BAZ1B: variants seen among roughly 807,000 people sequenced by gnomAD.
The protein encoded by BAZ1B is tyrosine-protein kinase BAZ1B.
A neutral mutation model predicts 153.8 loss-of-function variants in BAZ1B; 22 were observed. That is an observed-to-expected ratio of 0.14 (90% CI 0.10 to 0.20). BAZ1B has a LOEUF of 0.20. BAZ1B is among the 10% of genes least tolerant of loss of function. The probability of loss-of-function intolerance (pLI) is 1.00; values close to 1 mark genes in which losing one functional copy is unlikely to be tolerated. For missense variants in BAZ1B, 1,325 were observed against 1,799.3 expected, an observed-to-expected ratio of 0.74 and a Z score of 4.77; for synonymous variants, 676 against 633.4, an observed-to-expected ratio of 1.07 and a Z score of -1.01.
At chr7:73,511,014 G>A (rs1479724742) in intron 1 of BAZ1B, among the ~76,000 whole-genome samples, 162 bp from the exon 2 acceptor site, 3 of 152,210 alleles carry the variant, frequency 2.0e-5, no homozygotes, top group Non-Finnish European at 4.4e-5. Flanking sequence ...GTTCACGCCT[G>A]TAATCCCAGC....
intron 9 of BAZ1B, 111 bp from the exon 10 acceptor site, chr7:73,466,512 C>A: frequency 4.6e-6 from 3 of 651,670 alleles, no homozygotes; most frequent in Non-Finnish European, 5.5e-6. Flanking sequence ...ACAGATACTT[C>A]CTGTGAAATA....
intron 6 of BAZ1B, among the ~76,000 whole-genome samples, chr7:73,482,939 C>T (rs1005541225): frequency 6.6e-6 from 1 of 152,110 alleles, no homozygotes; most frequent in Non-Finnish European, 1.5e-5. Flanking sequence ...AAATGGGAGC[C>T]GGCATGGCTG....
intron 8 of BAZ1B, among the ~76,000 whole-genome samples, chr7:73,469,904 C>G (rs942345397): frequency 1.3e-5 from 2 of 152,132 alleles, no homozygotes; most frequent in Non-Finnish European, 2.9e-5. Flanking sequence ...AATGGGGTCT[C>G]GCTATGTTGG....
chr7:73,483,817 G>A (rs1342756860), intron 6 of BAZ1B, among the ~76,000 whole-genome samples: 1 of 151,910 alleles, frequency 6.6e-6, no homozygotes, highest in Non-Finnish European at 1.5e-5. Flanking sequence ...AATTTTTTGT[G>A]TATGTAGAAA....
intron 17 of BAZ1B, 142 bp from the exon 18 acceptor site, chr7:73,442,970 T>C: frequency 2.9e-6 from 2 of 681,920 alleles, no homozygotes; most frequent in South Asian, 3.8e-5. Context: ...CCTTCTGATA[T>C]TCAAGTCAGG....
At chr7:73,499,200 G>T (rs1400391995) in intron 3 of BAZ1B, among the ~76,000 whole-genome samples, 1 of 151,984 alleles carries the variant, frequency 6.6e-6, no homozygotes, top group African/African-American at 2.4e-5. Flanking sequence ...GCTAATTTTT[G>T]TATTTTTAGT....
At position 73,486,476 on chromosome 7, in the gene BAZ1B, G is replaced by A. The variant is rs922938463; in HGVS notation, c.891+2718C>T. ...CGAGTAGCTGGGACTACAGGTGCCC[G>A]CCACCACGCCCGGCTAATTTTTTGT... On this transcript the variant is annotated intron_variant, in intron 6 of 19. Transcript: ENST00000339594. Among the ~76,000 whole-genome samples the A allele has an allele frequency of 3.3e-5, 5 of 151,984 alleles. No homozygotes were observed. In the East Asian group the frequency reaches 5.8e-4, roughly 18 times the overall value.
chr7:73,513,134 G>T (rs1790654066), intron 1 of BAZ1B, among the ~76,000 whole-genome samples: 2 of 151,974 alleles, frequency 1.3e-5, no homozygotes, highest in South Asian at 4.1e-4. Flanking sequence ...TTTTATCTTT[G>T]CAGAGTCAGG....
intron 5 of BAZ1B, 93 bp downstream of exon 5, chr7:73,492,707 T>C (rs1482395287): frequency 1.5e-6 from 2 of 1,314,536 alleles, no homozygotes; most frequent in African/African-American, 1.5e-5. Flanking sequence ...TTCATTTACA[T>C]TTTTCTTCAG....
chr7:73,498,092 T>G (rs1789988028), intron 4 of BAZ1B, among the ~76,000 whole-genome samples: 1 of 152,052 alleles, frequency 6.6e-6, no homozygotes, highest in South Asian at 2.1e-4. Context: ...CCCGAGTAGC[T>G]GGGATTATAG....
At chr7:73,442,136 T>TAC in intron 19 of BAZ1B, 45 bp downstream of exon 19, 73 of 573,488 alleles carry the variant, frequency 1.3e-4, no homozygotes, top group Middle Eastern at 5.5e-4. Flanking sequence ...CTCGCTCGCC[T>TAC]CCCTCCCACC....
chr7:73,467,299 A>G (rs1472709090), intron 9 of BAZ1B, among the ~76,000 whole-genome samples: 1 of 152,020 alleles, frequency 6.6e-6, no homozygotes, highest in East Asian at 1.9e-4. Context: ...CATTCTCCCC[A>G]CTTTAACCTG....
At chr7:73,521,651 C>G (rs1017180417) in intron 1 of BAZ1B, among the ~76,000 whole-genome samples, 176 bp downstream of exon 1, 1 of 151,612 alleles carries the variant, frequency 6.6e-6, no homozygotes, top group South Asian at 2.1e-4. Flanking sequence ...CCCGCCGGAT[C>G]CCCTGGAAGG....
intron 9 of BAZ1B, among the ~76,000 whole-genome samples, chr7:73,468,975 C>CA (rs1283651553): frequency 6.6e-6 from 1 of 151,952 alleles, no homozygotes; most frequent in Non-Finnish European, 1.5e-5. Context: ...ACAAAAAATA[C>CA]AAAAATTAGC....
intron 7 of BAZ1B, 99 bp downstream of exon 7, chr7:73,476,769 A>C (rs782574533): frequency 6.6e-7 from 1 of 1,505,264 alleles, no homozygotes; most frequent in South Asian, 1.4e-5. Flanking sequence ...ACATACAGAA[A>C]TAAGTAAACA....
chr7:73,487,947 C>G (rs145258385), intron 6 of BAZ1B, among the ~76,000 whole-genome samples: 83 of 152,244 alleles, frequency 5.5e-4, no homozygotes, highest in African/African-American at 2.0e-3. Flanking sequence ...GACTGGAGGT[C>G]TTTACTAATG....
At chr7:73,485,368 C>A (rs782138366) in intron 6 of BAZ1B, among the ~76,000 whole-genome samples, 2 of 152,006 alleles carry the variant, frequency 1.3e-5, no homozygotes, top group Non-Finnish European at 2.9e-5. Context: ...CGCCTGTAAT[C>A]CCAACACTTT....
intron 9 of BAZ1B, among the ~76,000 whole-genome samples, chr7:73,467,519 G>A (rs374500468): frequency 1.9e-4 from 29 of 151,394 alleles, no homozygotes; most frequent in East Asian, 9.9e-4. Flanking sequence ...ACAGGTGCCC[G>A]CCACCACACC....
At chr7:73,519,576 TTAAAA>T (rs1265215858) in intron 1 of BAZ1B, among the ~76,000 whole-genome samples, 3 of 152,242 alleles carry the variant, frequency 2.0e-5, no homozygotes, top group Admixed American at 6.5e-5. Flanking sequence ...TACATACCAC[TTAAAA>T]TGTTTCCGGT....
Sources: allele counts gnomAD v4.1 joint callset (sites outside exome capture counted in the v4.1 genomes callset), GRCh38; gene constraint gnomAD v4.1.1; transcripts MANE v1.5; gene names NCBI Gene and HGNC (gene_info 2026-07-23, HGNC 2026-07-21).